SBK1: variants seen among roughly 807,000 people sequenced by gnomAD.
SBK1 encodes SH3 domain binding kinase 1.
A neutral mutation model predicts 24.4 loss-of-function variants in SBK1; 11 were observed. That is an observed-to-expected ratio of 0.45 (90% confidence interval 0.28 to 0.75). The LOEUF is 0.75. SBK1 is among the 30% of genes least tolerant of loss of function. The pLI is 0.12. For missense variants in SBK1, 467 were observed against 620.5 expected, an observed-to-expected ratio of 0.75 and a Z score of 2.63; for synonymous variants, 308 against 284.4, an observed-to-expected ratio of 1.08 and a Z score of -0.83.
chr16:28,259,654 T>G lies in SBK1; in HGVS notation c.257+152T>G, dbSNP rs1190299990. ...CACTTCCTGCTTCAGATCTCAGATCTCTCACCTGGTTGTTGCCACAGCCTC... is the reference window on the plus strand; with the variant it reads ...CACTTCCTGCTTCAGATCTCAGATCGCTCACCTGGTTGTTGCCACAGCCTC... On this transcript the variant is annotated intron_variant, in intron 1 of 3. Coordinates refer to the SBK1 transcript ENST00000671413. The surrounding 1 kb of genome is among the most constrained non-coding windows in gnomAD (Gnocchi z 6.0). 6.6e-6 allele frequency among the ~76,000 whole-genome samples: 1 copy of G among 152,114 alleles called. No homozygotes were observed. The highest frequency in any genetic ancestry group is 1.5e-5 in the Non-Finnish European group (1 of 68,018).
Position 28,309,991 on chromosome 16 carries a change from C to T in SBK1, c.-7-7394C>T, listed in dbSNP as rs1422314706. On this transcript the variant is annotated intron_variant, in intron 1 of 3. Coordinates refer to ENST00000341901, the MANE Select transcript of SBK1 (RefSeq NM_001024401.3). The stretch of plus-strand genomic sequence containing the variant: ...TGTCGTTTCATAAGGGTGGTGCCAA[C>T]GCTTGCCGACCGCCAGCAGGAAGTG... Among the ~76,000 whole-genome samples the T allele has an allele frequency of 4.6e-5, 7 of 152,234 alleles. No individual in the cohort carries two copies. The East Asian group carries it at 5.8e-4, about 13-fold the overall frequency.
chr16:28,312,418 C>T (rs532601016), intron 1 of SBK1, among the ~76,000 whole-genome samples: 48 of 152,294 alleles, frequency 3.2e-4, no homozygotes, highest in African/African-American at 9.9e-4. Flanking sequence ...GACGATCACG[C>T]GGAGATGTCG....
At chr16:28,280,614 T>C (rs780232047) in intron 1 of SBK1, among the ~76,000 whole-genome samples, 2 of 151,986 alleles carry the variant, frequency 1.3e-5, no homozygotes, top group Non-Finnish European at 2.9e-5. Flanking sequence ...GGTGTGGATA[T>C]CCTCTATGGC....
rs35296302 is a variant in SBK1, at chr16:28,261,428, T to TACACACACACACAC, written c.257+1964_257+1977dup. ...TAGGCAACACAGTGAGACTCCCGTC[T>TACACACACACACAC]ACACACACACACACACACACACACA... On this transcript the variant is annotated intron_variant, in intron 1 of 3. Coordinates refer to the SBK1 transcript ENST00000671413. Among the ~76,000 whole-genome samples, 27 of 124,674 alleles carry TACACACACACACAC rather than the reference T, an allele frequency of 2.2e-4. 1 individual carries two copies. The highest frequency in any genetic ancestry group is 7.3e-4 in the African/African-American group (23 of 31,372). The allele number at this position is 124,674 out of a possible 152,430, so 81.8% of individuals were successfully genotyped here.
intron 1 of SBK1, among the ~76,000 whole-genome samples, chr16:28,278,926 C>T (rs926240454): frequency 6.6e-6 from 1 of 152,164 alleles, no homozygotes; most frequent in African/African-American, 2.4e-5. Flanking sequence ...AGGAGCATGA[C>T]ATTAGAAAGG....
intron 1 of SBK1, among the ~76,000 whole-genome samples, chr16:28,296,315 G>A (rs1204256361): frequency 6.6e-6 from 1 of 151,962 alleles, no homozygotes; most frequent in East Asian, 1.9e-4. Context: ...GGCTGGTCTT[G>A]AACTCCTGAC....
intron 1 of SBK1, among the ~76,000 whole-genome samples, chr16:28,295,221 A>G (rs1014484057): frequency 2.6e-5 from 4 of 152,184 alleles, no homozygotes; most frequent in Non-Finnish European, 5.9e-5. Context: ...ACTAACCTGC[A>G]GTGGCTCTCC....
chr16:28,296,283 C>A (rs1347088648), intron 1 of SBK1, among the ~76,000 whole-genome samples: 1 of 151,868 alleles, frequency 6.6e-6, no homozygotes, highest in Non-Finnish European at 1.5e-5. Context: ...TTAGTAGAGA[C>A]GGGGTTTCAC....
rs780784319 is a variant in SBK1, at chr16:28,259,408, A to G, written c.163A>G (p.Met55Val). Residue 55 changes from methionine (M) to valine (V), a missense_variant, in exon 1 of 4, where the codon ATG (methionine) becomes GTG (valine). Coordinates refer to the SBK1 transcript ENST00000671413. The surrounding 1 kb of genome is among the most constrained non-coding windows in gnomAD (Gnocchi z 6.0). ...CCTGGAGCTGCCTCCGGCCTGGCCCATGGGCTGCGGAGTCGATGATGTGCC... is the reference window on the plus strand; with the variant it reads ...CCTGGAGCTGCCTCCGGCCTGGCCCGTGGGCTGCGGAGTCGATGATGTGCC... The G allele has an allele frequency of 1.1e-5, 11 of 984,646 alleles. No homozygotes were observed. Among genetic ancestry groups the G allele is most frequent in the Non-Finnish European group, 1.3e-5 (11 of 829,228 alleles). The allele number at this position is 984,646 out of a possible 1,614,324, so 61.0% of individuals were successfully genotyped here.
chr16:28,280,274 CATACATATGT>C (rs2044525455), intron 1 of SBK1, among the ~76,000 whole-genome samples: 1 of 139,810 alleles, frequency 7.2e-6, no homozygotes, highest in Non-Finnish European at 1.5e-5. Context: ...TATATATGTA[CATACATATGT>C]ATACATATAT....
At position 28,303,159 on chromosome 16, in the gene SBK1, G is replaced by C. The variant is rs1010295876; in HGVS notation, c.-8+9859G>C. 7.9e-5 allele frequency among the ~76,000 whole-genome samples: 12 copies of C among 151,774 alleles called. No homozygotes were observed. The South Asian group carries it at 1.0e-3, about 13-fold the overall frequency. On this transcript the variant is annotated intron_variant, in intron 1 of 3. Transcript: ENST00000341901. ...TTGAGCAGAGGGAGGCAGAATATGG[G>C]GGGGAGATGGGCCAAAGGGTAAATG...
intron 1 of SBK1, among the ~76,000 whole-genome samples, chr16:28,260,218 G>A (rs2044389278): frequency 6.6e-6 from 1 of 152,106 alleles, no homozygotes; most frequent in African/African-American, 2.4e-5. Context: ...GCAGGTATGA[G>A]TGCTGCATAC....
chr16:28,284,250 G>GC (rs1366031008), intron 1 of SBK1, among the ~76,000 whole-genome samples: 5 of 152,234 alleles, frequency 3.3e-5, no homozygotes, highest in South Asian at 2.1e-4. Context: ...ATTAAAGCCA[G>GC]CCCCCTAGGG....
intron 1 of SBK1, among the ~76,000 whole-genome samples, chr16:28,294,491 T>C (rs948508489): frequency 6.6e-6 from 1 of 152,232 alleles, no homozygotes; most frequent in Non-Finnish European, 1.5e-5. Flanking sequence ...ATGTCTGTGA[T>C]GGACCATGCG....
intron 1 of SBK1, among the ~76,000 whole-genome samples, chr16:28,310,022 C>T (rs542985425): frequency 2.0e-5 from 3 of 152,298 alleles, no homozygotes; most frequent in South Asian, 2.1e-4. Context: ...AAGTGGTGGG[C>T]GGCTCAGTCT....
rs760558440 is a variant in SBK1, at chr16:28,293,188, C to G, written c.-120C>G. 9.6e-5 allele frequency: 95 copies of G among 985,424 alleles called. No homozygotes were observed. The highest frequency in any genetic ancestry group is 1.1e-4 in the Non-Finnish European group (92 of 830,002). The allele number at this position is 985,424 out of a possible 1,614,324, so 61.0% of individuals were successfully genotyped here. A position where few individuals can be genotyped will look rare whatever the true frequency, so the allele number is the denominator to read the frequency against. On this transcript the variant is annotated 5_prime_UTR_variant, in exon 1 of 4. Coordinates refer to ENST00000341901, the MANE Select transcript of SBK1 (RefSeq NM_001024401.3). ...TTGGGCGACTGAGCCCCTGGCGGCA[C>G]CGCTTGCACCCCGGTCCATGGTCGT...
intron 1 of SBK1, among the ~76,000 whole-genome samples, chr16:28,297,081 C>G (rs1596547946): frequency 6.6e-6 from 1 of 151,932 alleles, no homozygotes; most frequent in South Asian, 2.1e-4. Context: ...TGTAATCCCA[C>G]CACTTTGGGA....
chr16:28,264,701 C>T (rs1275438201), intron 1 of SBK1, among the ~76,000 whole-genome samples: 2 of 152,008 alleles, frequency 1.3e-5, no homozygotes, highest in South Asian at 2.1e-4. Context: ...TCTCGGCTGA[C>T]GGTGGAACTT....
rs1489934319 is a variant in SBK1 at position 28,317,895 on chromosome 16, G to C, written c.226+278G>C. On this transcript the variant is annotated intron_variant, in intron 2 of 3. Coordinates refer to ENST00000341901, the MANE Select transcript of SBK1 (RefSeq NM_001024401.3). The surrounding 1 kb of genome is among the most constrained non-coding windows in gnomAD (Gnocchi z 4.2). ...CTGGGGTGACTTTGAGACAGCCAAG[G>C]GGCTGTGCCAGGAGTGTCTGGGGAG... Among the ~76,000 whole-genome samples the C allele has an allele frequency of 6.6e-6, 1 of 151,942 alleles. No individual in the cohort carries two copies. Among genetic ancestry groups the C allele is most frequent in the Non-Finnish European group, 1.5e-5 (1 of 67,936 alleles).
Sources: gnomAD v4.1 joint callset for allele counts (sites outside exome capture counted in the v4.1 genomes callset) on GRCh38, gnomAD v4.1.1 for gene constraint, Gnocchi (gnomAD v3.1) non-coding constraint, MANE v1.5 for transcripts, NCBI Gene and HGNC (gene_info 2026-07-23, HGNC 2026-07-21) for gene names.